CFHR5: variants seen among roughly 807,000 people sequenced by gnomAD.
CFHR5 encodes the protein complement factor H-related protein 5.
A neutral mutation model predicts 62.9 loss-of-function variants in CFHR5; 73 were observed. That is an observed-to-expected ratio of 1.16 (90% confidence interval 0.96 to 1.41). The LOEUF (loss-of-function observed/expected upper bound fraction) is 1.41. Among genes scored for constraint, CFHR5 ranks in the 40% most tolerant of loss-of-function variants. The probability of loss-of-function intolerance (pLI) is 0.00; values close to 1 mark genes in which losing one functional copy is unlikely to be tolerated. For synonymous variants in CFHR5, 249 were observed against 227.2 expected (o/e 1.10, Z -0.86); for missense variants, 779 against 679.9 (o/e 1.15, Z -1.62).
intron 6 of CFHR5, among the ~76,000 whole-genome samples, chr1:196,997,689 C>G (rs1654031568): frequency 1.3e-5 from 2 of 152,094 alleles, no homozygotes; most frequent in Admixed American, 1.3e-4. Flanking sequence ...TCAAGGGGGA[C>G]CCAGATCTAT....
Position 197,004,767 on chromosome 1 carries a change from G to A in CFHR5, c.1437G>A (p.Gln479=), listed in dbSNP as rs771398135. The stretch of plus-strand genomic sequence containing the variant: ...GGTCAACAGTGACGTACCGTTGCCA[G>A]TCCTTCTATAAACTCCAGGGCTCTG... ...PPGSTVTYRC[Q]SFYKLQGSVT... Residue 479 remains glutamine, a synonymous_variant, in exon 9 of 10, where the codon CAG becomes CAA. Transcript: ENST00000256785. The A allele has an allele frequency of 1.9e-6, 3 of 1,613,614 alleles. No individual in the cohort carries two copies. The highest frequency in any genetic ancestry group is 4.5e-5 in the East Asian group (2 of 44,850).
upstream of CFHR5, among the ~76,000 whole-genome samples, chr1:196,976,455 C>T (rs1052494861): frequency 2.0e-5 from 3 of 152,114 alleles, no homozygotes; most frequent in African/African-American, 7.2e-5. Flanking sequence ...GGGAGCAGAG[C>T]TTCCAGTCCA....
chr1:196,993,451 C>T (rs1653901739), intron 3 of CFHR5, among the ~76,000 whole-genome samples: 1 of 152,042 alleles, frequency 6.6e-6, no homozygotes, highest in Non-Finnish European at 1.5e-5. Flanking sequence ...CCCACCACCC[C>T]ATGCCTGGCT....
At position 197,008,701 on chromosome 1, in the gene CFHR5, T is replaced by C. The variant is rs1246954022; in HGVS notation, c.*18T>C. The C allele has an allele frequency of 1.3e-6, 2 of 1,591,480 alleles. No homozygotes were observed. The highest frequency in any genetic ancestry group is 1.7e-6 in the Non-Finnish European group (2 of 1,159,608). ...GTGAATGAAGCAAGCATAATTTTCC[T>C]GAATATATTCTTCAAACATCCATCT... is the stretch of plus-strand genomic sequence containing the variant. On this transcript the variant is annotated 3_prime_UTR_variant, in exon 10 of 10. Coordinates refer to ENST00000256785, the MANE Select transcript of CFHR5 (RefSeq NM_030787.4).
Position 197,002,676 on chromosome 1 carries a change from A to C in CFHR5, c.1330+12A>C. On this transcript the variant is annotated intron_variant, in intron 8 of 9. Transcript: ENST00000256785. The stretch of plus-strand genomic sequence containing the variant: ...ACCACGCTGTGTTGGTTAGTAGTTT[A>C]TTTCTAAGTAATTTCACTTAAAAAG... 6.2e-7 allele frequency: 1 copy of C among 1,603,516 alleles called. No homozygotes were observed.
upstream of CFHR5, chr1:196,977,508 G>T: frequency 1.4e-6 from 1 of 719,732 alleles, no homozygotes; most frequent in Non-Finnish European, 2.6e-6. Context: ...AACCCTCCAT[G>T]AACTTTGATG....
At chr1:196,999,729 A>ACG (rs1654090239) in intron 7 of CFHR5, among the ~76,000 whole-genome samples, 1 of 73,578 alleles carries the variant, frequency 1.4e-5, no homozygotes, top group African/African-American at 4.1e-5. Flanking sequence ...ATATACACAC[A>ACG]CACACATATA....
At position 196,994,187 on chromosome 1, in the gene CFHR5, A is replaced by T. The variant is rs768499626; in HGVS notation, c.538A>T (p.Ile180Leu). Reference sequence around the variant, plus strand: ...GAAATTCTCCTGCAGAAAAAATCTTATAAGAGTTGGATCAGACTCAGTTCA... The same window carrying T: ...GAAATTCTCCTGCAGAAAAAATCTTTTAAGAGTTGGATCAGACTCAGTTCA... ...VLKFSCRKNL[I>L]RVGSDSVQCY... The change falls in exon 4 of 10, where the codon ATA becomes TTA. Residue 180 changes from isoleucine to leucine, a missense_variant. Transcript: ENST00000256785. 1.2e-6 allele frequency: 2 copies of T among 1,613,648 alleles called. No individual in the cohort carries two copies. The highest frequency in any genetic ancestry group is 1.7e-6 in the Non-Finnish European group (2 of 1,179,752).
intron 3 of CFHR5, among the ~76,000 whole-genome samples, chr1:196,986,953 C>A (rs1285417250): frequency 6.6e-6 from 1 of 152,262 alleles, no homozygotes; most frequent in Middle Eastern, 3.4e-3. Flanking sequence ...CACTGTCTAC[C>A]ACAATGGTTG....
intron 4 of CFHR5, among the ~76,000 whole-genome samples, chr1:196,995,469 TCA>T (rs1281414567): frequency 1.3e-5 from 2 of 152,174 alleles, no homozygotes; most frequent in African/African-American, 4.8e-5. Context: ...ATCTAGGTAA[TCA>T]GTTTATAAGT....
chr1:197,008,724 T>A lies in CFHR5; in HGVS notation c.*41T>A, dbSNP rs369204442. The A allele has an allele frequency of 1.1e-4, 170 of 1,526,310 alleles. No homozygotes were observed. The highest frequency in any genetic ancestry group is 1.5e-4 in the Non-Finnish European group (164 of 1,100,840). 94.5% of individuals were successfully genotyped at this position (1,526,310 alleles called of 1,614,324 possible). A position where few individuals can be genotyped will look rare whatever the true frequency, so the allele number is the denominator to read the frequency against. Reference sequence around the variant, plus strand: ...CCTGAATATATTCTTCAAACATCCATCTATGCTAAAAGTAGCCATTATGTA... The same window carrying A: ...CCTGAATATATTCTTCAAACATCCAACTATGCTAAAAGTAGCCATTATGTA... On this transcript the variant is annotated 3_prime_UTR_variant, in exon 10 of 10. Transcript: ENST00000256785.
In CFHR5 at chr1:196,983,096, T is replaced by C. The variant is rs374676937; in HGVS notation, c.253+17T>C. Reference sequence around the variant, plus strand: ...AGTGTCTCAGTGAGTAAATGCCCTGTTCATTAAATGGATGTCATTCAGTGA... The same window carrying C: ...AGTGTCTCAGTGAGTAAATGCCCTGCTCATTAAATGGATGTCATTCAGTGA... On this transcript the variant is annotated intron_variant, in intron 2 of 9. Coordinates refer to ENST00000256785, the MANE Select transcript of CFHR5 (RefSeq NM_030787.4). 6.6e-5 allele frequency: 107 copies of C among 1,613,462 alleles called. No homozygotes were observed. Among genetic ancestry groups the C allele is most frequent in the Non-Finnish European group, 8.7e-5 (103 of 1,179,684 alleles).
chr1:196,987,494 A>G (rs1212251035), intron 3 of CFHR5, among the ~76,000 whole-genome samples: 1 of 152,112 alleles, frequency 6.6e-6, no homozygotes, highest in African/African-American at 2.4e-5. Flanking sequence ...TATGGTTTTT[A>G]GGTCTAACAT....
At chr1:196,987,900 G>A (rs1273006030) in intron 3 of CFHR5, among the ~76,000 whole-genome samples, 1 of 152,156 alleles carries the variant, frequency 6.6e-6, no homozygotes, top group African/African-American at 2.4e-5. Context: ...GTCCTATTCT[G>A]TGAAGAAAGT....
intron 9 of CFHR5, among the ~76,000 whole-genome samples, chr1:197,006,344 G>A (rs570291448): frequency 2.9e-4 from 44 of 152,200 alleles, no homozygotes; most frequent in Admixed American, 2.8e-3. Flanking sequence ...AAGGAAACAT[G>A]ATCTAACTAT....
At chr1:197,002,396 T>C in intron 7 of CFHR5, 86 bp from the exon 8 acceptor site, 1 of 899,874 alleles carries the variant, frequency 1.1e-6, no homozygotes, top group South Asian at 1.4e-5. Context: ...TGTCATTGAA[T>C]CTTCCATTTT....
rs57437038 is a variant in CFHR5, at chr1:196,980,591, CGTGTGTGTGT to C, written c.59-2265_59-2256del. ...AAATGACTGTATGTCTGTATATATA[CGTGTGTGTGT>C]GTGTGTGTGTGTGTGTGTGTGTGTG... On this transcript the variant is annotated intron_variant, in intron 1 of 9. Transcript: ENST00000256785. 9.4e-3 allele frequency among the ~76,000 whole-genome samples: 1,364 copies of C among 145,538 alleles called. 14 individuals carry two copies. The highest frequency in any genetic ancestry group is 0.032 in the African/African-American group (1,285 of 39,724).
chr1:197,001,150 G>T (rs559617811), intron 7 of CFHR5, among the ~76,000 whole-genome samples: 1 of 152,118 alleles, frequency 6.6e-6, no homozygotes, highest in Admixed American at 6.6e-5. Context: ...TTAAGTTCAC[G>T]CTTTTCTTAA....
Position 196,983,946 on chromosome 1 carries a change from A to G in CFHR5, c.254-15A>G, listed in dbSNP as rs1310175729. On this transcript the variant is annotated splice_polypyrimidine_tract_variant and intron_variant, in intron 2 of 9. Transcript: ENST00000256785. ...CTACTTCCATCTTGTACATTAATCA[A>G]TTTTTGTTCCTTAGGAATGTGTTCC... 1.9e-6 allele frequency: 3 copies of G among 1,594,284 alleles called. No individual in the cohort carries two copies. The highest frequency in any genetic ancestry group is 1.3e-5 in the African/African-American group (1 of 74,596).
Sources: allele counts gnomAD v4.1 joint callset (sites outside exome capture counted in the v4.1 genomes callset), GRCh38; gene constraint gnomAD v4.1.1; transcripts MANE v1.5; gene names NCBI Gene and HGNC (gene_info 2026-07-23, HGNC 2026-07-21).